Variants in SLC45A4 observed in about 807,000 individuals in gnomAD.
The protein encoded by SLC45A4 is solute carrier family 45 member 4, also known as polyamine-transporter SLC45A4.
Under a neutral mutation model 63.7 loss-of-function variants are expected in SLC45A4, and 32 were observed. The observed-to-expected ratio is 0.50, with a 90% CI of 0.38 to 0.67. SLC45A4 has a LOEUF of 0.67. Ranked by LOEUF, SLC45A4 falls within the 30% of genes least tolerant of loss-of-function variation. SLC45A4 has a pLI of 0.00. For synonymous variants in SLC45A4, 535 were observed against 510.0 expected (o/e 1.05, Z -0.66); for missense variants, 1,027 against 1,157.7 (o/e 0.89, Z 1.64).
At chr8:141,259,700 A>G (rs1160524954) in intron 1 of SLC45A4, among the ~76,000 whole-genome samples, 1 of 152,152 alleles carries the variant, frequency 6.6e-6, no homozygotes, top group East Asian at 1.9e-4. Flanking sequence ...CCTGCCAAGC[A>G]GTGAGAGAAG....
At chr8:141,299,041 C>G (rs111785202) in intron 1 of SLC45A4, among the ~76,000 whole-genome samples, 1 of 152,178 alleles carries the variant, frequency 6.6e-6, no homozygotes, top group African/African-American at 2.4e-5. Context: ...GCGCCCGGCA[C>G]GGATGCAGAT....
intron 1 of SLC45A4, among the ~76,000 whole-genome samples, chr8:141,304,578 G>GGC (rs1830844751): frequency 1.3e-5 from 2 of 150,922 alleles, no homozygotes; most frequent in Non-Finnish European, 1.5e-5. Context: ...AAAAAAGGGG[G>GGC]GGAGAGAGAG....
chr8:141,273,288 A>C (rs368659684), intron 1 of SLC45A4, among the ~76,000 whole-genome samples: 39 of 152,330 alleles, frequency 2.6e-4, no homozygotes, highest in Middle Eastern at 3.4e-3. Context: ...CAAATGCTCA[A>C]GCACTGACCT....
In SLC45A4 at chr8:141,219,791, C is replaced by A; in HGVS notation, c.469G>T (p.Gly157Cys). The change falls in exon 4 of 9, where the codon GGC (glycine) becomes TGC (cysteine). Residue 157 changes from glycine (G) to cysteine (C), a missense_variant. By Grantham distance (159) the Gly-to-Cys change is radical. Transcript: ENST00000517878. ...ACTCCCAGCACCGTGAGCACGATGC[C>A]AATGGGCTGCCGGTTGGGGACATCG... Reference protein sequence around the residue: ...LGDVPNRQPIGIVLTVLGVVV... With the variant: ...LGDVPNRQPICIVLTVLGVVV... 1 of 1,596,280 alleles carries A rather than the reference C, an allele frequency of 6.3e-7. No homozygotes were observed. The highest frequency in any genetic ancestry group is 2.3e-5 in the East Asian group (1 of 43,568).
intron 1 of SLC45A4, among the ~76,000 whole-genome samples, chr8:141,289,940 C>T (rs1830284149): frequency 6.6e-6 from 1 of 152,010 alleles, no homozygotes; most frequent in Non-Finnish European, 1.5e-5. Context: ...GATCTCAGTC[C>T]CCTACAAAGC....
At chr8:141,212,651 C>A in intron 7 of SLC45A4, 95 bp from the exon 8 acceptor site, 1 of 1,408,888 alleles carries the variant, frequency 7.1e-7, no homozygotes. Context: ...AGCCTGGAAA[C>A]ATGACCCGTC....
intron 1 of SLC45A4, among the ~76,000 whole-genome samples, chr8:141,296,219 T>C (rs1478327334): frequency 6.6e-6 from 1 of 152,048 alleles, no homozygotes; most frequent in Non-Finnish European, 1.5e-5. Context: ...CAATCCCAGC[T>C]ACTCAGGAGG....
chr8:141,263,056 C>G (rs571364396), intron 1 of SLC45A4, among the ~76,000 whole-genome samples: 1 of 151,850 alleles, frequency 6.6e-6, no homozygotes, highest in Admixed American at 6.6e-5. Context: ...GAGTTCATGT[C>G]CTTTGTAGGG....
At position 141,208,947 on chromosome 8, in the gene SLC45A4, G is replaced by C. The variant is rs966989639; in HGVS notation, c.*2625C>G. ...GGTCTGCGCACATTACACAAGACTCGACCAACCGACACACCCTGCCTGACA... is the reference window on the plus strand; with the variant it reads ...GGTCTGCGCACATTACACAAGACTCCACCAACCGACACACCCTGCCTGACA... On this transcript the variant is annotated 3_prime_UTR_variant, in exon 9 of 9. Transcript: ENST00000517878. 1.3e-5 allele frequency: 2 copies of C among 152,420 alleles called. No individual in the cohort carries two copies. The highest frequency in any genetic ancestry group is 2.9e-5 in the Non-Finnish European group (2 of 68,276). The allele number at this position is 152,420 out of a possible 1,614,324, so 9.4% of individuals were successfully genotyped here. A position where few individuals can be genotyped will look rare whatever the true frequency, so the allele number is the denominator to read the frequency against.
At position 141,218,278 on chromosome 8, in the gene SLC45A4, G is replaced by A. The variant is rs755160368; in HGVS notation, c.1362C>T (p.Ser454=). 8.8e-5 allele frequency: 141 copies of A among 1,604,108 alleles called. No individual in the cohort carries two copies. The highest frequency in any genetic ancestry group is 1.2e-4 in the Non-Finnish European group (139 of 1,179,834). The change falls in exon 5 of 9, where the codon AGC becomes AGT. Residue 454 remains serine (S), a synonymous_variant. Transcript: ENST00000517878. Reference sequence around the variant, plus strand: ...TCTGCATGTCGTACAGGTCGCTCATGCTGCGCGACGGCTTGATCAGCACCA... The same window carrying A: ...TCTGCATGTCGTACAGGTCGCTCATACTGCGCGACGGCTTGATCAGCACCA... ...NAVVLIKPSR[S]MSDLYDMQKR...
In SLC45A4 at chr8:141,278,333, G is replaced by T. The variant is rs547862181; in HGVS notation, c.-400-23704C>A. ...GGACTCCTCGGTCTGTGAAACCCAT[G>T]AGGACATTGGCGAGACTGGGTGAGC... On this transcript the variant is annotated intron_variant, in intron 1 of 8. Coordinates refer to ENST00000517878, the MANE Select transcript of SLC45A4 (RefSeq NM_001286646.2). The surrounding 1 kb of genome is among the most constrained non-coding windows in gnomAD (Gnocchi z 4.1). The T allele has an allele frequency of 6.6e-6, 1 of 152,536 alleles. No individual in the cohort carries two copies. The highest frequency in any genetic ancestry group is 6.5e-5 in the Admixed American group (1 of 15,306). 9.4% of individuals were successfully genotyped at this position (152,536 alleles called of 1,614,324 possible).
chr8:141,215,269 C>G lies in SLC45A4; in HGVS notation c.1941+490G>C, dbSNP rs369982651. Among the ~76,000 whole-genome samples, 1 of 152,146 alleles carries G rather than the reference C, an allele frequency of 6.6e-6. No homozygotes were observed. The highest frequency in any genetic ancestry group is 1.5e-5 in the Non-Finnish European group (1 of 68,032). ...CGATGAGCAAGAGTGTAAGGTATCT[C>G]GATGACTTTTTTCATATAGAGTACA... On this transcript the variant is annotated intron_variant, in intron 7 of 8. Coordinates refer to ENST00000517878, the MANE Select transcript of SLC45A4 (RefSeq NM_001286646.2). The surrounding 1 kb of genome is among the most constrained non-coding windows in gnomAD (Gnocchi z 4.3).
chr8:141,274,534 CAAAAAAAAAA>C (rs35503591), intron 1 of SLC45A4, among the ~76,000 whole-genome samples: 4 of 94,072 alleles, frequency 4.3e-5, no homozygotes, highest in African/African-American at 1.3e-4. Flanking sequence ...AACTCGGTCT[CAAAAAAAAAA>C]AAAAAAAAAA....
At chr8:141,233,354 T>C (rs537317583) in intron 2 of SLC45A4, among the ~76,000 whole-genome samples, 1 of 152,300 alleles carries the variant, frequency 6.6e-6, no homozygotes, top group South Asian at 2.1e-4. Context: ...ATGGTTACTA[T>C]TGCAGTTTAT....
At chr8:141,257,864 C>T (rs2154614747) in intron 1 of SLC45A4, among the ~76,000 whole-genome samples, 1 of 152,312 alleles carries the variant, frequency 6.6e-6, no homozygotes, top group South Asian at 2.1e-4. Context: ...CAGAGGGAGA[C>T]ACTCTGTTCT....
intron 1 of SLC45A4, among the ~76,000 whole-genome samples, chr8:141,307,497 T>C (rs1485822938): frequency 6.6e-6 from 1 of 150,684 alleles, no homozygotes; most frequent in African/African-American, 2.5e-5. Context: ...CAGGGTCGTG[T>C]GTGCACTGGG....
In SLC45A4 at chr8:141,215,687, G is replaced by A. The variant is rs1826099735; in HGVS notation, c.1941+72C>T. On this transcript the variant is annotated intron_variant, in intron 7 of 8. Coordinates refer to ENST00000517878, the MANE Select transcript of SLC45A4 (RefSeq NM_001286646.2). The surrounding 1 kb of genome is among the most constrained non-coding windows in gnomAD (Gnocchi z 4.3). ...GTGAACGTCCCCCCGGGGAAGCACAGGGCTCTGCTCTGTATGGAGGGAAGG... is the reference window on the plus strand; with the variant it reads ...GTGAACGTCCCCCCGGGGAAGCACAAGGCTCTGCTCTGTATGGAGGGAAGG... 8 of 1,498,418 alleles carry A rather than the reference G, an allele frequency of 5.3e-6. No homozygotes were observed. The highest frequency in any genetic ancestry group is 4.5e-5 in the South Asian group (4 of 88,406). 92.8% of individuals were successfully genotyped at this position (1,498,418 alleles called of 1,614,324 possible).
chr8:141,238,084 T>G (rs1771081975), intron 2 of SLC45A4, among the ~76,000 whole-genome samples: 1 of 152,234 alleles, frequency 6.6e-6, no homozygotes, highest in South Asian at 2.1e-4. Flanking sequence ...CTCCCTCTAG[T>G]GTGCGGTTAG....
intron 2 of SLC45A4, among the ~76,000 whole-genome samples, chr8:141,222,157 A>G (rs59918340): frequency 0.51 from 78,005 of 152,212 alleles, 20,312 homozygotes; most frequent in African/African-American, 0.59. Flanking sequence ...GCTGAAGGCC[A>G]CTTTGAGGGT....
Sources: allele counts gnomAD v4.1 joint callset (sites outside exome capture counted in the v4.1 genomes callset), GRCh38; gene constraint gnomAD v4.1.1; non-coding constraint Gnocchi (gnomAD v3.1); transcripts MANE v1.5; gene names NCBI Gene and HGNC (gene_info 2026-07-23, HGNC 2026-07-21).